Variants in ANXA8 observed in about 807,000 individuals in gnomAD.
ANXA8 encodes VAC-beta.
Under a neutral mutation model 26.8 loss-of-function variants are expected in ANXA8, and 9 were observed. That is an observed-to-expected ratio of 0.34 (90% CI 0.20 to 0.59). The LOEUF (loss-of-function observed/expected upper bound fraction) is 0.59, where lower values mean the gene tolerates loss of function less well. Among genes scored for constraint, ANXA8 ranks in the 20% least tolerant of loss-of-function variants. The pLI is 0.84. For missense variants in ANXA8, 83 were observed against 238.5 expected (o/e 0.35, Z 4.29); for synonymous variants, 39 against 94.8 (o/e 0.41, Z 3.42).
the ANXA8 span, among the ~76,000 whole-genome samples, chr10:47,672,918 T>C: frequency 1.3e-5 from 2 of 151,414 alleles, no homozygotes; most frequent in South Asian, 2.1e-4. Flanking sequence ...GAGCTGAGGA[T>C]ACAAGGGAGC....
At chr10:47,991,708 A>C in the ANXA8 span, 1 of 1,611,170 alleles carries the variant, frequency 6.2e-7, no homozygotes, top group Non-Finnish European at 8.5e-7. Context: ...CATCTCTTTC[A>C]CTTCGGGGGC....
chr10:47,973,137 A>G, the ANXA8 span: 1 of 149,192 alleles, frequency 6.7e-6, no homozygotes, highest in Non-Finnish European at 1.5e-5. Context: ...TGCCTTCTCA[A>G]ACTTGTGGGA....
chr10:47,937,237 G>A, the ANXA8 span, among the ~76,000 whole-genome samples: 1,157 of 148,034 alleles, frequency 7.8e-3, 31 homozygotes, highest in African/African-American at 0.026. Context: ...AAGCCTTGTC[G>A]GATGATGGCA....
At chr10:47,683,146 T>C in the ANXA8 span, among the ~76,000 whole-genome samples, 2 of 151,994 alleles carry the variant, frequency 1.3e-5, no homozygotes, top group South Asian at 2.1e-4. Context: ...AATCATCTTA[T>C]ATCTTTTCAT....
At chr10:47,580,857 C>G in the ANXA8 span, among the ~76,000 whole-genome samples, 6 of 149,958 alleles carry the variant, frequency 4.0e-5, no homozygotes, top group Non-Finnish European at 7.4e-5. Flanking sequence ...GGTGGATGAC[C>G]TGTGGTCAGG....
At chr10:47,615,259 C>T in the ANXA8 span, among the ~76,000 whole-genome samples, 2 of 74,004 alleles carry the variant, frequency 2.7e-5, 1 homozygote. Flanking sequence ...CTCAGCATTC[C>T]TCTGTAGTAA....
chr10:47,955,366 G>T, the ANXA8 span, among the ~76,000 whole-genome samples: 1 of 150,124 alleles, frequency 6.7e-6, no homozygotes, highest in Non-Finnish European at 1.5e-5. Flanking sequence ...CAATGACAGT[G>T]ATGCGTTCTC....
chr10:47,565,207 G>A, the ANXA8 span: 2 of 635,974 alleles, frequency 3.1e-6, no homozygotes, highest in Non-Finnish European at 2.8e-6. Context: ...CCTCAGGAAT[G>A]CAGGAGCCTC....
At chr10:47,681,374 A>G in the ANXA8 span, among the ~76,000 whole-genome samples, 2 of 148,012 alleles carry the variant, frequency 1.4e-5, no homozygotes, top group East Asian at 3.9e-4. Context: ...TTTTTTTTTA[A>G]TTTTTCTTGA....
At chr10:47,595,811 C>G in the ANXA8 span, among the ~76,000 whole-genome samples, 3 of 148,280 alleles carry the variant, frequency 2.0e-5, 1 homozygote, top group Non-Finnish European at 4.4e-5. Flanking sequence ...TCAGTAATAA[C>G]TGGGAACTTC....
At chr10:47,973,354 T>C in the ANXA8 span, 1 of 144,778 alleles carries the variant, frequency 6.9e-6, no homozygotes, top group African/African-American at 2.5e-5. Flanking sequence ...TGGGCCCCAT[T>C]TGTAAGCAGT....
the ANXA8 span, among the ~76,000 whole-genome samples, chr10:47,551,017 T>A: frequency 6.7e-6 from 1 of 150,144 alleles, no homozygotes; most frequent in Admixed American, 6.7e-5. Flanking sequence ...TGTCAATTAT[T>A]AACTTCTGAC....
the ANXA8 span, among the ~76,000 whole-genome samples, chr10:47,699,564 C>T: frequency 1.3e-5 from 2 of 151,124 alleles, no homozygotes; most frequent in African/African-American, 2.4e-5. Context: ...CAGTGGTTTG[C>T]GTCTGTAATT....
At chr10:47,557,210 T>C in the ANXA8 span, among the ~76,000 whole-genome samples, 1 of 137,034 alleles carries the variant, frequency 7.3e-6, no homozygotes, top group Admixed American at 7.3e-5. Context: ...GGTTTCACCA[T>C]GTTGGCCAGG....
the ANXA8 span, among the ~76,000 whole-genome samples, chr10:47,648,547 CATAAT>C: frequency 7.2e-6 from 1 of 139,698 alleles, no homozygotes; most frequent in Admixed American, 7.1e-5. Context: ...GGGCAGTGGT[CATAAT>C]ATGTCTCAAC....
At chr10:47,738,617 C>A in the ANXA8 span, among the ~76,000 whole-genome samples, 1 of 151,904 alleles carries the variant, frequency 6.6e-6, no homozygotes, top group African/African-American at 2.4e-5. Flanking sequence ...CACTCTGTTG[C>A]CCAGGCTGGA....
chr10:47,557,598 T>C, the ANXA8 span, among the ~76,000 whole-genome samples: 2 of 151,410 alleles, frequency 1.3e-5, no homozygotes, highest in Non-Finnish European at 2.9e-5. Flanking sequence ...TTTGCTTTTC[T>C]GGGGGTTCTG....
At chr10:47,585,250 C>T in the ANXA8 span, among the ~76,000 whole-genome samples, 4,595 of 73,528 alleles carry the variant, frequency 0.062, 106 homozygotes, top group South Asian at 0.22. Context: ...AGAGACATAG[C>T]GAGACTCCAT....
chr10:47,946,974 A>G, the ANXA8 span, among the ~76,000 whole-genome samples: 1 of 150,434 alleles, frequency 6.6e-6, no homozygotes, highest in Non-Finnish European at 1.5e-5. Flanking sequence ...AACGGGCATG[A>G]GCCACCGAGC....
Sources: gnomAD v4.1 joint callset for allele counts (sites outside exome capture counted in the v4.1 genomes callset) on GRCh38, gnomAD v4.1.1 for gene constraint, MANE v1.5 for transcripts, NCBI Gene and HGNC (gene_info 2026-07-23, HGNC 2026-07-21) for gene names.